STRN4: variants seen among roughly 807,000 people sequenced by gnomAD.
The protein encoded by STRN4 is striatin-4.
Under a neutral mutation model 77.9 loss-of-function variants are expected in STRN4, and 27 were observed. The observed-to-expected ratio is 0.35, with a 90% CI of 0.26 to 0.48. The LOEUF is 0.48. Ranked by LOEUF, STRN4 falls within the 20% of genes least tolerant of loss-of-function variation. STRN4 has a pLI of 0.99. For synonymous variants in STRN4, 466 were observed against 443.1 expected (o/e 1.05, Z -0.65); for missense variants, 798 against 1,049.7 (o/e 0.76, Z 3.31).
intron 12 of STRN4, 115 bp downstream of exon 12, chr19:46,724,692 C>A: frequency 6.7e-6 from 10 of 1,484,458 alleles, no homozygotes; most frequent in Admixed American, 1.8e-5. Context: ...GGAGCCGTCA[C>A]ACGCACTCCT....
At chr19:46,725,954 G>A in intron 9 of STRN4, 1 of 356,466 alleles carries the variant, frequency 2.8e-6, no homozygotes, top group Non-Finnish European at 5.2e-6. Flanking sequence ...AAGTGTGCAG[G>A]ATCATCAGCC....
chr19:46,736,285 TAATA>T (rs1294668869), intron 4 of STRN4: 1 of 151,870 alleles, frequency 6.6e-6, no homozygotes, highest in Non-Finnish European at 1.5e-5. Flanking sequence ...CAAAAAATAA[TAATA>T]AATAATAATA....
At position 46,723,073 on chromosome 19, in the gene STRN4, C is replaced by T. The variant is rs1427623571; in HGVS notation, c.1765+41G>A. ...GGAACCACTCTGATAGCCTCCAGAT[C>T]CCGCACAGCTCCAGGGTGAGGCACC... On this transcript the variant is annotated intron_variant, in intron 13 of 17. Coordinates refer to ENST00000263280, the MANE Select transcript of STRN4 (RefSeq NM_013403.3). This position sits in a 1 kb window ranked among gnomAD's most constrained non-coding sequence, Gnocchi z 5.5. 3 of 1,562,118 alleles carry T rather than the reference C, an allele frequency of 1.9e-6. No homozygotes were observed. Among genetic ancestry groups the T allele is most frequent in the South Asian group, 2.3e-5 (2 of 86,200 alleles).
rs777695694 is a variant in STRN4, at chr19:46,733,235, A to G, written c.541T>C (p.Tyr181His). 7.5e-6 allele frequency: 12 copies of G among 1,609,380 alleles called. No homozygotes were observed. Among genetic ancestry groups the G allele is most frequent in the African/African-American group, 1.3e-5 (1 of 74,886 alleles). Reference protein sequence around the residue: ...WKEGRQLLRQYLEEVGYTDTI... With the variant: ...WKEGRQLLRQHLEEVGYTDTI... The stretch of plus-strand genomic sequence containing the variant: ...TCTGTGTAGCCCACCTCTTCCAGGT[A>G]CCTGCAGGGGTGCAGAGCCACGTGG... The change falls in exon 5 of 18, where the codon TAC becomes CAC. Residue 181 changes from tyrosine to histidine, a missense_variant and splice_region_variant. Physicochemically the swap from Tyr to His is moderately conservative, Grantham distance 83 (BLOSUM62 2). Around this residue, in one of 2 missense-constraint regions of STRN4, gnomAD observed 511 missense variants for 575.9 expected, o/e 0.89. Transcript: ENST00000263280. This position sits in a 1 kb window ranked among gnomAD's most constrained non-coding sequence, Gnocchi z 4.3.
At chr19:46,722,098 G>A in intron 15 of STRN4, 26 bp from the exon 16 acceptor site, 2 of 1,611,634 alleles carry the variant, frequency 1.2e-6, no homozygotes, top group African/African-American at 1.3e-5. Context: ...CGGGTGGCAG[G>A]TTCCCCTCCC....
intron 8 of STRN4, 173 bp downstream of exon 8, chr19:46,727,721 A>AGGACAGACAAAAAGAGAGGGAGAC: frequency 1.3e-6 from 1 of 747,918 alleles, no homozygotes; most frequent in East Asian, 2.7e-5. Flanking sequence ...CAGACAGGGC[A>AGGACAGACAAAAAGAGAGGGAGAC]GGACAGACAA....
At chr19:46,735,034 G>A (rs564905377) in intron 4 of STRN4, among the ~76,000 whole-genome samples, 5 of 152,234 alleles carry the variant, frequency 3.3e-5, no homozygotes, top group Non-Finnish European at 2.9e-5. Context: ...GGCTGGGCGC[G>A]GTGGCTCACA....
chr19:46,742,321 G>A (rs2054489330), intron 1 of STRN4, among the ~76,000 whole-genome samples: 1 of 152,054 alleles, frequency 6.6e-6, no homozygotes, highest in South Asian at 2.1e-4. Flanking sequence ...TCAACACACA[G>A]GTACCAAGCA....
chr19:46,725,785 G>A lies in STRN4; in HGVS notation c.1249-137C>T, dbSNP rs545709610. 266 of 1,121,706 alleles carry A rather than the reference G, an allele frequency of 2.4e-4. 1 individual carries two copies. The highest frequency in any genetic ancestry group is 2.2e-3 in the African/African-American group (138 of 63,738). The allele number at this position is 1,121,706 out of a possible 1,614,324, so 69.5% of individuals were successfully genotyped here. On this transcript the variant is annotated intron_variant, in intron 9 of 17. Coordinates refer to ENST00000263280, the MANE Select transcript of STRN4 (RefSeq NM_013403.3). Reference sequence around the variant, plus strand: ...GAATGCCCTCAGAGCCTGGGCTCCAGCCGGGAACTCTCCCCTTCCTCTGCT... The same window carrying A: ...GAATGCCCTCAGAGCCTGGGCTCCAACCGGGAACTCTCCCCTTCCTCTGCT...
At chr19:46,727,339 C>G in intron 9 of STRN4, 113 bp downstream of exon 9, 1 of 876,792 alleles carries the variant, frequency 1.1e-6, no homozygotes, top group Non-Finnish European at 1.8e-6. Context: ...CATCTGCACC[C>G]CTCTGTGAAA....
intron 1 of STRN4, among the ~76,000 whole-genome samples, chr19:46,745,600 C>T (rs1824800669): frequency 6.6e-6 from 1 of 152,158 alleles, no homozygotes; most frequent in Admixed American, 6.5e-5. Context: ...CCAGCGGGTC[C>T]CAAGTTCCCC....
rs911467033 is a variant in STRN4 at position 46,741,607 on chromosome 19, G to A, written c.283-2719C>T. ...GGTCGGTCGGGGATCTGGAAGTGCCGCTCACCATATCCACCCACTGCCACT... is the reference window on the plus strand; with the variant it reads ...GGTCGGTCGGGGATCTGGAAGTGCCACTCACCATATCCACCCACTGCCACT... On this transcript the variant is annotated intron_variant, in intron 1 of 17. Transcript: ENST00000263280. This position sits in a 1 kb window ranked among gnomAD's most constrained non-coding sequence, Gnocchi z 4.9. 6.6e-6 allele frequency among the ~76,000 whole-genome samples: 1 copy of A among 152,246 alleles called. No homozygotes were observed. Among genetic ancestry groups the A allele is most frequent in the East Asian group, 1.9e-4 (1 of 5,176 alleles).
chr19:46,727,596 A>C, intron 8 of STRN4, 50 bp from the exon 9 acceptor site: 2 of 1,494,692 alleles, frequency 1.3e-6, no homozygotes, highest in Admixed American at 1.7e-5. Flanking sequence ...GGAGGGGCAG[A>C]GAGGGCCAGG....
rs35238185 is a variant in STRN4, at chr19:46,726,483, C to CAA, written c.1249-837_1249-836dup. Among the ~76,000 whole-genome samples, 633 of 134,224 alleles carry CAA rather than the reference C, an allele frequency of 4.7e-3. 4 individuals are homozygous for CAA. The highest frequency in any genetic ancestry group is 9.8e-3 in the African/African-American group (357 of 36,326). 88.1% of individuals were successfully genotyped at this position (134,224 alleles called of 152,430 possible). ...AACATAGGGAGATCCCCTCAAGGAG[C>CAA]AAAAAAAAAAAAAAAAGGTAGCCTC... On this transcript the variant is annotated intron_variant, in intron 9 of 17. Coordinates refer to ENST00000263280, the MANE Select transcript of STRN4 (RefSeq NM_013403.3).
At chr19:46,720,938 C>G in intron 16 of STRN4, 167 bp from the exon 17 acceptor site, 1 of 677,876 alleles carries the variant, frequency 1.5e-6, no homozygotes, top group South Asian at 3.2e-5. Context: ...AAGGAGAACC[C>G]TGGTCCCCTC....
intron 3 of STRN4, among the ~76,000 whole-genome samples, chr19:46,737,262 G>A (rs1048816410): frequency 3.3e-5 from 5 of 152,196 alleles, no homozygotes; most frequent in South Asian, 2.1e-4. Context: ...TGTCAGTTTC[G>A]TCCTCTGAGA....
At chr19:46,728,863 G>A in intron 6 of STRN4, 86 bp from the exon 7 acceptor site, 2 of 1,551,636 alleles carry the variant, frequency 1.3e-6, no homozygotes, top group Non-Finnish European at 1.7e-6. Flanking sequence ...GGTAAGCCGG[G>A]GCTCTGGGCC....
intron 1 of STRN4, 67 bp downstream of exon 1, chr19:46,746,082 C>T: frequency 1.6e-6 from 2 of 1,275,092 alleles, no homozygotes; most frequent in Non-Finnish European, 2.0e-6. Flanking sequence ...GCGGCGGCGG[C>T]GGCAGCGGGT....
rs922437375 is a variant in STRN4, at chr19:46,725,754, T to C, written c.1249-106A>G. 1.6e-5 allele frequency: 22 copies of C among 1,399,172 alleles called. No homozygotes were observed. The African/African-American group carries it at 2.9e-4, about 18-fold the overall frequency. 86.7% of individuals were successfully genotyped at this position (1,399,172 alleles called of 1,614,324 possible). On this transcript the variant is annotated intron_variant, in intron 9 of 17. Transcript: ENST00000263280. ...CCCCTGTCTTCCACCCACATGACCC[T>C]GGCAGGAATGCCCTCAGAGCCTGGG...
Sources: gnomAD v4.1 joint callset for allele counts (sites outside exome capture counted in the v4.1 genomes callset) on GRCh38, gnomAD v4.1.1 for gene constraint, gnomAD v4.1.1 regional missense constraint, Gnocchi (gnomAD v3.1) non-coding constraint, MANE v1.5 for transcripts, NCBI Gene and HGNC (gene_info 2026-07-23, HGNC 2026-07-21) for gene names.